ZNF684: variants seen among roughly 807,000 people sequenced by gnomAD.
The protein encoded by ZNF684 is zinc finger protein 684, also known as hypothetical protein MGC27466.
In ZNF684, 13 loss-of-function variants were observed where a neutral mutation model predicts 12.8. The observed-to-expected ratio is 1.02, with a 90% CI of 0.66 to 1.62. ZNF684 has a LOEUF of 1.62. Ranked by LOEUF, ZNF684 falls within the 40% of genes most tolerant of loss-of-function variation. The pLI is 0.00. For missense variants in ZNF684, 384 were observed against 446.9 expected, an observed-to-expected ratio of 0.86 and a Z score of 1.27; for synonymous variants, 118 against 151.8, an observed-to-expected ratio of 0.78 and a Z score of 1.64.
chr1:40,535,099 A>G (rs1453609197), intron 2 of ZNF684, among the ~76,000 whole-genome samples: 1 of 152,230 alleles, frequency 6.6e-6, no homozygotes, highest in African/African-American at 2.4e-5. Flanking sequence ...GTAGACAATC[A>G]TACATTCCAA....
chr1:40,533,230 A>T, intron 2 of ZNF684, 49 bp downstream of exon 2: 1 of 1,584,572 alleles, frequency 6.3e-7, no homozygotes, highest in African/African-American at 1.3e-5. Flanking sequence ...CCAAAAATCC[A>T]TATGATAAAA....
At chr1:40,532,568 C>G (rs1007376288) in intron 1 of ZNF684, among the ~76,000 whole-genome samples, 1 of 151,022 alleles carries the variant, frequency 6.6e-6, no homozygotes, top group African/African-American at 2.4e-5. Flanking sequence ...AGAGCCCCAG[C>G]AGTTCTAAGC....
chr1:40,547,014 G>T lies in ZNF684; in HGVS notation c.691G>T (p.Val231Leu). 1.9e-6 allele frequency: 3 copies of T among 1,614,094 alleles called. No individual in the cohort carries two copies. The highest frequency in any genetic ancestry group is 1.7e-6 in the Non-Finnish European group (2 of 1,179,982). The change falls in exon 5 of 5, where the codon GTG (valine) becomes TTG (leucine). Residue 231 changes from valine (V) to leucine (L), a missense_variant. Physicochemically the swap from Val to Leu is conservative, Grantham distance 32. Coordinates refer to ENST00000372699, the MANE Select transcript of ZNF684 (RefSeq NM_152373.4). ...GGCGTTTATGCATAAAGCCCAACTC[G>T]TGGTCCACCAGAGACTTCACACTGG... The part of the protein sequence containing the change: ...GKAFMHKAQL[V>L]VHQRLHTGEK...
chr1:40,533,981 G>A (rs1645971204), intron 2 of ZNF684, among the ~76,000 whole-genome samples: 1 of 151,676 alleles, frequency 6.6e-6, no homozygotes, highest in Non-Finnish European at 1.5e-5. Flanking sequence ...GTGCCACCAC[G>A]CCCAGCTAAT....
At chr1:40,543,983 G>A (rs763585466) in intron 4 of ZNF684, among the ~76,000 whole-genome samples, 11 of 148,768 alleles carry the variant, frequency 7.4e-5, no homozygotes, top group Admixed American at 5.3e-4. Flanking sequence ...TTTAAGGCCT[G>A]TTTTCTTTTT....
chr1:40,547,132 C>G lies in ZNF684; in HGVS notation c.809C>G (p.Ser270Ter), dbSNP rs1169523014. The G allele has an allele frequency of 6.2e-7, 1 of 1,614,188 alleles. No individual in the cohort carries two copies. Among genetic ancestry groups the G allele is most frequent in the Admixed American group, 1.7e-5 (1 of 60,022 alleles). ...QHVKSHTLEK[S>*]FECKECGKTF... ...GTGAAATCTCATACACTTGAGAAGT[C>G]ATTTGAATGTAAGGAATGTGGGAAA... The change falls in exon 5 of 5, where the codon TCA (serine) becomes TGA (stop). Residue 270 changes from serine (S) to a stop codon, truncating the protein, a stop_gained. Transcript: ENST00000372699. LOFTEE classifies it low-confidence loss of function (END_TRUNC).
intron 2 of ZNF684, among the ~76,000 whole-genome samples, chr1:40,535,563 C>T (rs1228388312): frequency 9.9e-5 from 15 of 151,512 alleles, no homozygotes; most frequent in Admixed American, 9.2e-4. Context: ...AGTGTTTCAC[C>T]GTTTCCTCTT....
chr1:40,545,060 G>A lies in ZNF684; in HGVS notation c.239-1502G>A, dbSNP rs375971678. On this transcript the variant is annotated intron_variant, in intron 4 of 4. Coordinates refer to ENST00000372699, the MANE Select transcript of ZNF684 (RefSeq NM_152373.4). Reference sequence around the variant, plus strand: ...TAATTTTGTTTGCCAGGCTGATTATGTTGAATTTTTCAGTGGATTATTGTT... The same window carrying A: ...TAATTTTGTTTGCCAGGCTGATTATATTGAATTTTTCAGTGGATTATTGTT... The A allele has an allele frequency of 2.0e-5, 3 of 152,340 alleles. 1 individual carries two copies. The allele number at this position is 152,340 out of a possible 1,614,324, so 9.4% of individuals were successfully genotyped here.
intron 3 of ZNF684, 44 bp downstream of exon 3, chr1:40,540,756 A>C (rs1366732018): frequency 6.9e-7 from 1 of 1,453,414 alleles, no homozygotes; most frequent in East Asian, 2.6e-5. Context: ...TTCAGTGTAT[A>C]CTAATAGTGC....
intron 4 of ZNF684, chr1:40,545,122 G>A (rs1646039266): frequency 6.6e-6 from 1 of 152,370 alleles, no homozygotes; most frequent in South Asian, 2.1e-4. Context: ...CCCATCGGTT[G>A]AAATAGAGCG....
chr1:40,543,782 A>G (rs1310257219), intron 4 of ZNF684, among the ~76,000 whole-genome samples: 1 of 152,026 alleles, frequency 6.6e-6, no homozygotes, highest in Non-Finnish European at 1.5e-5. Context: ...CTCTGCATCA[A>G]TCCTTCTGAT....
Position 40,547,514 on chromosome 1 carries a change from A to T in ZNF684, c.*54A>T. ...TATTAAATATTTGCTAAATCTTATT[A>T]AATACTAAAGAATTCATGGTGAGAA... On this transcript the variant is annotated 3_prime_UTR_variant, in exon 5 of 5. Coordinates refer to ENST00000372699, the MANE Select transcript of ZNF684 (RefSeq NM_152373.4). The T allele has an allele frequency of 7.0e-7, 1 of 1,435,114 alleles. No homozygotes were observed. The allele number at this position is 1,435,114 out of a possible 1,614,324, so 88.9% of individuals were successfully genotyped here.
chr1:40,543,011 C>CTT (rs71842570), intron 4 of ZNF684, among the ~76,000 whole-genome samples: 36,718 of 150,910 alleles, frequency 0.24, 5,531 homozygotes, highest in East Asian at 0.47. Flanking sequence ...AACCAAATGA[C>CTT]TTTTTTTTTA....
chr1:40,534,594 T>C (rs1645974718), intron 2 of ZNF684, among the ~76,000 whole-genome samples: 1 of 152,130 alleles, frequency 6.6e-6, no homozygotes, highest in East Asian at 1.9e-4. Flanking sequence ...TTCCTGTACA[T>C]TTCTTATATT....
chr1:40,539,879 T>C (rs1646005350), intron 2 of ZNF684, among the ~76,000 whole-genome samples: 1 of 152,020 alleles, frequency 6.6e-6, no homozygotes, highest in African/African-American at 2.4e-5. Flanking sequence ...GATATATAGA[T>C]ATATCTTTGG....
intron 2 of ZNF684, among the ~76,000 whole-genome samples, chr1:40,536,527 T>A (rs1645986310): frequency 6.6e-6 from 1 of 151,666 alleles, no homozygotes; most frequent in Middle Eastern, 3.4e-3. Context: ...TTTTTTTTTT[T>A]TATACTTTAA....
chr1:40,546,137 A>G (rs946180120), intron 4 of ZNF684, among the ~76,000 whole-genome samples: 3 of 152,004 alleles, frequency 2.0e-5, no homozygotes, highest in African/African-American at 7.2e-5. Flanking sequence ...TGGCCAGGAT[A>G]GTCTTGATCT....
chr1:40,543,924 A>G (rs558096250), intron 4 of ZNF684, among the ~76,000 whole-genome samples: 11 of 152,140 alleles, frequency 7.2e-5, no homozygotes, highest in Non-Finnish European at 1.6e-4. Context: ...CTCTGTCATG[A>G]AAAATTTACA....
Position 40,547,627 on chromosome 1 carries a change from TACAGAAAATATG to T in ZNF684, c.*176_*187del. On this transcript the variant is annotated 3_prime_UTR_variant, in exon 5 of 5. Transcript: ENST00000372699. ...GTTCTGGAAGTGATAATAAACTTTT[TACAGAAAATATG>T]ACAGAAAACAACTATAAATAATAGA... 1.8e-6 allele frequency: 1 copy of T among 550,696 alleles called. No homozygotes were observed. Among genetic ancestry groups the T allele is most frequent in the Non-Finnish European group, 2.9e-6 (1 of 339,724 alleles). The allele number at this position is 550,696 out of a possible 1,614,324, so 34.1% of individuals were successfully genotyped here.
Sources: gnomAD v4.1 joint callset for allele counts (sites outside exome capture counted in the v4.1 genomes callset) on GRCh38, gnomAD v4.1.1 for gene constraint, MANE v1.5 for transcripts, NCBI Gene and HGNC (gene_info 2026-07-23, HGNC 2026-07-21) for gene names.